The following PDXDC1 variants were observed in gnomAD, a reference collection of about 807,000 sequenced individuals.
The protein encoded by PDXDC1 is pyridoxal dependent decarboxylase domain containing 1.
A neutral mutation model predicts 100.1 loss-of-function variants in PDXDC1; 42 were observed. The ratio of observed to expected loss-of-function variants is 0.42; its 90% CI spans 0.33 to 0.54. The LOEUF (loss-of-function observed/expected upper bound fraction) is 0.54, where lower values mean the gene tolerates loss of function less well. Ranked by LOEUF, PDXDC1 falls within the 20% of genes least tolerant of loss-of-function variation. The pLI, the probability that PDXDC1 is intolerant of heterozygous loss-of-function variation, is 0.10. For synonymous variants in PDXDC1, 260 were observed against 371.7 expected (o/e 0.70, Z 3.46); for missense variants, 636 against 979.2 (o/e 0.65, Z 4.68).
At chr16:14,991,238 ATATATATGTAT>A (rs1211417083) in intron 1 of PDXDC1, among the ~76,000 whole-genome samples, 27 of 152,160 alleles carry the variant, frequency 1.8e-4, no homozygotes, top group African/African-American at 6.5e-4. Context: ...TTTTGTGTGT[ATATATATGTAT>A]TATATATGTA....
chr16:15,148,370 ATTTTTTTTTTTT>A, the PDXDC1 span, among the ~76,000 whole-genome samples: 28 of 34,112 alleles, frequency 8.2e-4, no homozygotes, highest in South Asian at 9.6e-3. Flanking sequence ...AGATCCTGTG[ATTTTTTTTTTTT>A]TTTTTTTTTT....
intron 1 of PDXDC1, among the ~76,000 whole-genome samples, chr16:14,978,674 C>T (rs111313655): frequency 6.6e-3 from 1,002 of 151,994 alleles, no homozygotes; most frequent in Non-Finnish European, 0.011. Context: ...GGATTATAAG[C>T]GTGAGCCACC....
In PDXDC1 at chr16:15,079,596, C is replaced by CT. The variant is rs35328128; in HGVS notation, c.1399+49554dup. Among the ~76,000 whole-genome samples, 530 of 143,032 alleles carry CT rather than the reference C, an allele frequency of 3.7e-3. 1 individual carries two copies. The highest frequency in any genetic ancestry group is 0.012 in the African/African-American group (457 of 39,242). The allele number at this position is 143,032 out of a possible 152,430, so 93.8% of individuals were successfully genotyped here. On this transcript the variant is annotated intron_variant, in intron 16 of 16. Coordinates refer to the PDXDC1 transcript ENST00000535621. ...AAGAATGGTGCTAGTGGTTTCTTTT[C>CT]TTTTTTTTTTTTTTGAGATGGAGTC...
chr16:15,145,026 G>T, the PDXDC1 span, among the ~76,000 whole-genome samples: 1 of 152,180 alleles, frequency 6.6e-6, no homozygotes, highest in African/African-American at 2.4e-5. Flanking sequence ...TTCACAGCCT[G>T]GGTGGGCAGG....
At chr16:15,041,070 A>G (rs1954272073), downstream of PDXDC1, 1 of 1,596,554 alleles carries the variant, frequency 6.3e-7, no homozygotes, top group Non-Finnish European at 8.6e-7. Context: ...CTACTTACCA[A>G]TGCCATATAT....
intron 16 of PDXDC1, among the ~76,000 whole-genome samples, chr16:15,054,253 A>G (rs1597825078): frequency 6.6e-6 from 1 of 152,284 alleles, no homozygotes; most frequent in Non-Finnish European, 1.5e-5. Context: ...GCCCCCTTCC[A>G]AAGTTCCTGT....
intron 16 of PDXDC1, among the ~76,000 whole-genome samples, chr16:15,090,858 C>T (rs1300895430): frequency 6.7e-6 from 1 of 148,324 alleles, no homozygotes; most frequent in Non-Finnish European, 1.5e-5. Context: ...CCTGGAAATG[C>T]TGAATCAGTG....
rs776164048 is a variant in PDXDC1 at position 14,977,503 on chromosome 16, C to T, written c.21+2283C>T. On this transcript the variant is annotated intron_variant, in intron 1 of 22. Transcript: ENST00000396410. Reference sequence around the variant, plus strand: ...CCACGTTGGTCAGGATGGTCTCAAACGCCTGACCTTGTGATCCTTCAGCCT... The same window carrying T: ...CCACGTTGGTCAGGATGGTCTCAAATGCCTGACCTTGTGATCCTTCAGCCT... Among the ~76,000 whole-genome samples, 20 of 152,372 alleles carry T rather than the reference C, an allele frequency of 1.3e-4. No homozygotes were observed. The East Asian group carries it at 1.4e-3, about 10-fold the overall frequency.
At chr16:15,104,746 C>T (rs763429446) in intron 16 of PDXDC1, 4 of 1,596,896 alleles carry the variant, frequency 2.5e-6, no homozygotes, top group Admixed American at 1.7e-5. Context: ...TGCTCCGCTG[C>T]CGCCATTCTG....
In PDXDC1 at chr16:15,036,937, A is replaced by C. The variant is rs1889227424; in HGVS notation, c.*662A>C. The C allele has an allele frequency of 6.5e-6, 1 of 152,830 alleles. No homozygotes were observed. Among genetic ancestry groups the C allele is most frequent in the South Asian group, 2.1e-4 (1 of 4,856 alleles). 9.5% of individuals were successfully genotyped at this position (152,830 alleles called of 1,614,324 possible). On this transcript the variant is annotated 3_prime_UTR_variant, in exon 23 of 23. Transcript: ENST00000396410. ...TATACCGTTTGTAAAGAGAAACTGT[A>C]AAGTCTCCTCCTGACCATATATTTT...
intron 13 of PDXDC1, 22 bp downstream of exon 13, chr16:15,022,776 GT>G: frequency 6.4e-7 from 1 of 1,571,972 alleles, no homozygotes; most frequent in South Asian, 1.2e-5. Flanking sequence ...AAGTTCATCT[GT>G]TTTCAAAATA....
chr16:14,987,631 T>G (rs546897361), intron 1 of PDXDC1, among the ~76,000 whole-genome samples: 1 of 152,406 alleles, frequency 6.6e-6, no homozygotes, highest in East Asian at 1.9e-4. Context: ...TTTTGTTTTT[T>G]GAGATGGAAT....
intron 16 of PDXDC1, chr16:15,127,916 C>A (rs1248364905): frequency 7.1e-7 from 1 of 1,405,352 alleles, no homozygotes; most frequent in African/African-American, 1.4e-5. Context: ...CAGGGAGGGC[C>A]GCACTGCAGG....
chr16:14,985,203 T>C (rs1417688285), intron 1 of PDXDC1, among the ~76,000 whole-genome samples: 3 of 152,210 alleles, frequency 2.0e-5, no homozygotes, highest in Non-Finnish European at 4.4e-5. Context: ...GACTAGTTCA[T>C]TAATTCCCAA....
At chr16:15,145,068 C>T in the PDXDC1 span, among the ~76,000 whole-genome samples, 2 of 152,214 alleles carry the variant, frequency 1.3e-5, no homozygotes, top group African/African-American at 4.8e-5. Context: ...CTGATGGGCA[C>T]AGAGGCTCAA....
intron 16 of PDXDC1, among the ~76,000 whole-genome samples, chr16:15,117,262 CTG>C (rs2047262825): frequency 4.8e-5 from 2 of 42,040 alleles, no homozygotes; most frequent in African/African-American, 1.0e-4. Flanking sequence ...AAGGGAGAAA[CTG>C]TCTCAAATAA....
the PDXDC1 span, among the ~76,000 whole-genome samples, chr16:15,149,362 T>C: frequency 6.6e-6 from 1 of 152,184 alleles, no homozygotes; most frequent in Non-Finnish European, 1.5e-5. Flanking sequence ...AGGGTGGCCC[T>C]CCTTCTGCTG....
chr16:15,087,514 C>T (rs1597993788), intron 16 of PDXDC1, among the ~76,000 whole-genome samples: 1 of 152,286 alleles, frequency 6.6e-6, no homozygotes, highest in Non-Finnish European at 1.5e-5. Context: ...CTTTTCCCCA[C>T]CTTAATTCAG....
In PDXDC1 at chr16:15,136,142, G is replaced by T. The variant is rs563549825; in HGVS notation, c.1400-2737G>T. ...CACACGTCTAGGCTCCTGGGGGCGG[G>T]TGTGGGATGCCAGGGGGCTCAGGGC... On this transcript the variant is annotated intron_variant, in intron 16 of 16. Coordinates refer to the PDXDC1 transcript ENST00000535621. The T allele has an allele frequency of 4.8e-5, 68 of 1,404,698 alleles. No individual in the cohort carries two copies. In the African/African-American group the frequency reaches 8.8e-4, roughly 18 times the overall value. The allele number at this position is 1,404,698 out of a possible 1,614,324, so 87.0% of individuals were successfully genotyped here. A position where few individuals can be genotyped will look rare whatever the true frequency, so the allele number is the denominator to read the frequency against.
Sources: gnomAD v4.1 joint callset for allele counts (sites outside exome capture counted in the v4.1 genomes callset) on GRCh38, gnomAD v4.1.1 for gene constraint, MANE v1.5 for transcripts, NCBI Gene and HGNC (gene_info 2026-07-23, HGNC 2026-07-21) for gene names.